The following ZNF563 variants were observed in gnomAD, a reference collection of about 807,000 sequenced individuals.
The protein encoded by ZNF563 is zinc finger protein 563.
In ZNF563, 39 loss-of-function variants were observed where a neutral mutation model predicts 48.5. The observed-to-expected ratio is 0.80, with a 90% CI of 0.62 to 1.05. The LOEUF (loss-of-function observed/expected upper bound fraction) is 1.05. Among genes scored for constraint, ZNF563 ranks in the 50% least tolerant of loss-of-function variants. The pLI, the probability that ZNF563 is intolerant of heterozygous loss-of-function variation, is 0.00. For missense variants in ZNF563, 538 were observed against 597.0 expected, an observed-to-expected ratio of 0.90 and a Z score of 1.03; for synonymous variants, 168 against 187.9, an observed-to-expected ratio of 0.89 and a Z score of 0.87.
intron 1 of ZNF563, 66 bp downstream of exon 1, chr19:12,333,414 G>T: frequency 6.3e-7 from 1 of 1,580,874 alleles, no homozygotes; most frequent in South Asian, 1.1e-5. Flanking sequence ...CGTTCGCCGC[G>T]GCCGGTTCTG....
chr19:12,329,472 CAAAAA>C (rs754295632), intron 1 of ZNF563, among the ~76,000 whole-genome samples: 1 of 75,924 alleles, frequency 1.3e-5, no homozygotes, highest in Non-Finnish European at 2.7e-5. Context: ...GACTCCATCT[CAAAAA>C]AAAAAAAAAA....
chr19:12,319,615 C>T lies in ZNF563; in HGVS notation c.410G>A (p.Gly137Glu). 1 of 1,614,194 alleles carries T rather than the reference C, an allele frequency of 6.2e-7. No individual in the cohort carries two copies. Among genetic ancestry groups the T allele is most frequent in the Non-Finnish European group, 8.5e-7 (1 of 1,180,036 alleles). ...GHKPHEYQEY[G>E]EKPHTHKQRG... ...TTGTTTATGTGTATGTGGCTTCTCTCCATATTCCTGATACTCATGTGGTTT... is the reference window on the plus strand; with the variant it reads ...TTGTTTATGTGTATGTGGCTTCTCTTCATATTCCTGATACTCATGTGGTTT... Residue 137 changes from glycine (G) to glutamate (E), a missense_variant, in exon 4 of 4, where the codon GGA (glycine) becomes GAA (glutamate). Transcript: ENST00000293725.
chr19:12,333,411 C>A (rs548587427), intron 1 of ZNF563, 69 bp downstream of exon 1: 3 of 1,578,300 alleles, frequency 1.9e-6, no homozygotes, highest in Non-Finnish European at 1.7e-6. Context: ...CCACGTTCGC[C>A]GCGGCCGGTT....
chr19:12,333,426 A>G (rs1005793108), intron 1 of ZNF563, 54 bp downstream of exon 1: 17 of 1,608,420 alleles, frequency 1.1e-5, no homozygotes, highest in Non-Finnish European at 1.4e-5. Context: ...CCGGTTCTGG[A>G]CGGTTCCAAC....
the ZNF563 span, among the ~76,000 whole-genome samples, chr19:12,340,170 C>T: frequency 1.6e-4 from 25 of 152,160 alleles, no homozygotes; most frequent in South Asian, 1.0e-3. Flanking sequence ...CCGGTCTCTA[C>T]AGAAAATACA....
upstream of ZNF563, among the ~76,000 whole-genome samples, chr19:12,336,378 G>A (rs961098075): frequency 1.3e-5 from 2 of 151,982 alleles, no homozygotes; most frequent in Non-Finnish European, 2.9e-5. Flanking sequence ...AGATCACAAC[G>A]TCAGGAGTTC....
intron 1 of ZNF563, among the ~76,000 whole-genome samples, chr19:12,327,420 A>C (rs2145813370): frequency 6.6e-6 from 1 of 150,490 alleles, no homozygotes; most frequent in South Asian, 2.1e-4. Flanking sequence ...AGATCGTGCC[A>C]CTGCATTCCA....
Position 12,333,492 on chromosome 19 carries a change from T to C in ZNF563, c.-10A>G. The stretch of plus-strand genomic sequence containing the variant: ...CCTGCACACGCACCATTTCCCGGCT[T>C]CCGGGATGTTCCAGGGTCCTCCCTC... On this transcript the variant is annotated 5_prime_UTR_variant, in exon 1 of 4. Coordinates refer to ENST00000293725, the MANE Select transcript of ZNF563 (RefSeq NM_145276.3). 1 of 1,613,342 alleles carries C rather than the reference T, an allele frequency of 6.2e-7. No individual in the cohort carries two copies. Among genetic ancestry groups the C allele is most frequent in the Non-Finnish European group, 8.5e-7 (1 of 1,179,670 alleles).
the ZNF563 span, among the ~76,000 whole-genome samples, chr19:12,339,860 C>T: frequency 1.3e-5 from 2 of 152,110 alleles, no homozygotes; most frequent in South Asian, 2.1e-4. Context: ...CAAAGAGAAA[C>T]GCATAAATGC....
At chr19:12,331,744 G>C (rs561424447) in intron 1 of ZNF563, among the ~76,000 whole-genome samples, 2 of 152,284 alleles carry the variant, frequency 1.3e-5, no homozygotes, top group South Asian at 2.1e-4. Flanking sequence ...CCAAGACAAG[G>C]CTGCTGTATC....
At position 12,333,541 on chromosome 19, in the gene ZNF563, C is replaced by G. The variant is rs546310680; in HGVS notation, c.-59G>C. The G allele has an allele frequency of 6.2e-7, 1 of 1,608,292 alleles. No individual in the cohort carries two copies. Among genetic ancestry groups the G allele is most frequent in the Non-Finnish European group, 8.5e-7 (1 of 1,176,694 alleles). ...TCTGCCTCCCGCTGCCAGTGCGGGT[C>G]CCACTGTGACAGAGGCTGCCACAGA... is the stretch of plus-strand genomic sequence containing the variant. On this transcript the variant is annotated 5_prime_UTR_variant, in exon 1 of 4. Transcript: ENST00000293725.
In ZNF563 at chr19:12,319,611, C is replaced by T. The variant is rs1361937685; in HGVS notation, c.414G>A (p.Glu138=). 1 of 1,614,210 alleles carries T rather than the reference C, an allele frequency of 6.2e-7. No individual in the cohort carries two copies. Residue 138 remains glutamate, a synonymous_variant, in exon 4 of 4, where the codon GAG becomes GAA. Transcript: ENST00000293725. ...HKPHEYQEYG[E]KPHTHKQRGK... is the part of the protein sequence containing the mutation. ...CACGTTGTTTATGTGTATGTGGCTT[C>T]TCTCCATATTCCTGATACTCATGTG... is the stretch of plus-strand genomic sequence containing the variant.
At chr19:12,328,609 C>G (rs1328479088) in intron 1 of ZNF563, among the ~76,000 whole-genome samples, 1 of 151,888 alleles carries the variant, frequency 6.6e-6, no homozygotes, top group East Asian at 1.9e-4. Flanking sequence ...CCCGTGTCTA[C>G]TAAAAATACA....
the ZNF563 span, among the ~76,000 whole-genome samples, chr19:12,343,466 T>C: frequency 6.6e-6 from 1 of 152,112 alleles, no homozygotes; most frequent in Non-Finnish European, 1.5e-5. Flanking sequence ...AGCAGGACCC[T>C]GTCTTTAATA....
At chr19:12,339,491 G>T in the ZNF563 span, among the ~76,000 whole-genome samples, 1 of 151,852 alleles carries the variant, frequency 6.6e-6, no homozygotes, top group Admixed American at 6.6e-5. Context: ...TGTTAGTCAG[G>T]CTGGTCTCAA....
At chr19:12,341,209 C>T in the ZNF563 span, among the ~76,000 whole-genome samples, 1 of 152,106 alleles carries the variant, frequency 6.6e-6, no homozygotes, top group South Asian at 2.1e-4. Flanking sequence ...TGCCACCAGG[C>T]CTAGCTAATT....
the ZNF563 span, chr19:12,346,503 T>C: frequency 2.0e-5 from 3 of 152,204 alleles, no homozygotes; most frequent in Admixed American, 6.5e-5. Context: ...ATGTAAAACA[T>C]TGTAGCCACT....
intron 2 of ZNF563, 48 bp downstream of exon 2, chr19:12,322,537 A>C: frequency 6.5e-7 from 1 of 1,547,428 alleles, no homozygotes; most frequent in African/African-American, 1.4e-5. Context: ...GATGACCATG[A>C]AACAAATGTC....
upstream of ZNF563, among the ~76,000 whole-genome samples, chr19:12,334,263 G>A (rs1968990535): frequency 6.6e-6 from 1 of 151,988 alleles, no homozygotes; most frequent in Admixed American, 6.6e-5. Context: ...AGCAATAAAT[G>A]AATGAATGAA....
Sources: allele counts gnomAD v4.1 joint callset (sites outside exome capture counted in the v4.1 genomes callset), GRCh38; gene constraint gnomAD v4.1.1; transcripts MANE v1.5; gene names NCBI Gene and HGNC (gene_info 2026-07-23, HGNC 2026-07-21).